RAP1GAP2: variants seen among roughly 807,000 people sequenced by gnomAD.
RAP1GAP2 encodes RAP1 GTPase activating protein 2.
RAP1GAP2 carries 27 observed loss-of-function variants against 95.0 expected under a neutral mutation model. The observed-to-expected ratio is 0.28, with a 90% CI of 0.21 to 0.39. RAP1GAP2 has a LOEUF of 0.39. RAP1GAP2 is among the 10% of genes least tolerant of loss of function. The probability of loss-of-function intolerance (pLI) is 1.00; values close to 1 mark genes in which losing one functional copy is unlikely to be tolerated. For synonymous variants in RAP1GAP2, 373 were observed against 380.9 expected (o/e 0.98, Z 0.24); for missense variants, 771 against 970.0 (o/e 0.79, Z 2.72).
intron 3 of RAP1GAP2, among the ~76,000 whole-genome samples, chr17:2,951,355 T>C (rs2043918445): frequency 6.6e-6 from 1 of 152,218 alleles, no homozygotes; most frequent in Admixed American, 6.5e-5. Flanking sequence ...ATCTTGTGTC[T>C]TGCAAAAAGC....
chr17:3,010,336 CAAAA>C (rs1179623628), intron 17 of RAP1GAP2, among the ~76,000 whole-genome samples: 11 of 70,268 alleles, frequency 1.6e-4, no homozygotes, highest in African/African-American at 4.9e-4. Context: ...GAGACTGTCT[CAAAA>C]AAAAAAAAAA....
intron 12 of RAP1GAP2, among the ~76,000 whole-genome samples, chr17:2,994,310 G>T (rs929854447): frequency 1.2e-4 from 18 of 152,144 alleles, no homozygotes; most frequent in Non-Finnish European, 2.2e-4. Flanking sequence ...GAGATTCTAG[G>T]TCCATCTTAT....
chr17:2,945,341 A>G (rs1036761124), intron 3 of RAP1GAP2, among the ~76,000 whole-genome samples: 6 of 151,984 alleles, frequency 3.9e-5, no homozygotes, highest in Non-Finnish European at 7.4e-5. Context: ...GTACTCTGCA[A>G]TTTTGCAGAC....
At chr17:2,858,574 G>C (rs529222547) in intron 2 of RAP1GAP2, among the ~76,000 whole-genome samples, 163 of 152,174 alleles carry the variant, frequency 1.1e-3, no homozygotes, top group African/African-American at 3.3e-3. Context: ...TCAGGTACTA[G>C]ATCATTTCAT....
chr17:2,785,395 A>G (rs1418196888), intron 1 of RAP1GAP2, among the ~76,000 whole-genome samples: 2 of 143,800 alleles, frequency 1.4e-5, no homozygotes, highest in East Asian at 4.9e-4. Flanking sequence ...AAAAAGCAAA[A>G]AGTTGGAAAA....
intron 2 of RAP1GAP2, among the ~76,000 whole-genome samples, chr17:2,813,609 G>T (rs975108704): frequency 6.6e-6 from 1 of 152,106 alleles, no homozygotes; most frequent in Admixed American, 6.6e-5. Flanking sequence ...AGGGTGTTGC[G>T]CAGCCTCTCT....
At chr17:2,954,564 C>G (rs1053791460) in intron 3 of RAP1GAP2, among the ~76,000 whole-genome samples, 4 of 149,914 alleles carry the variant, frequency 2.7e-5, no homozygotes, top group African/African-American at 9.9e-5. Flanking sequence ...GTTCACATAT[C>G]AGTACTTATT....
intron 8 of RAP1GAP2, among the ~76,000 whole-genome samples, chr17:2,974,212 A>G (rs1270960319): frequency 2.0e-5 from 3 of 149,162 alleles, no homozygotes; most frequent in Non-Finnish European, 4.5e-5. Flanking sequence ...AGCTGGGCGC[A>G]GTGGCAGGCG....
Position 2,871,634 on chromosome 17 carries a change from A to G in RAP1GAP2, c.81-33650A>G, listed in dbSNP as rs2072850461. ...TGCCAGCACGGCGTGTTGGGTGAGC[A>G]CGTGGACCCTCACCTTCATGCTGAT... On this transcript the variant is annotated intron_variant, in intron 2 of 24. Transcript: ENST00000254695. This position sits in a 1 kb window ranked among gnomAD's most constrained non-coding sequence, Gnocchi z 5.0. Among the ~76,000 whole-genome samples the G allele has an allele frequency of 6.6e-6, 1 of 152,140 alleles. No individual in the cohort carries two copies. The highest frequency in any genetic ancestry group is 6.5e-5 in the Admixed American group (1 of 15,272).
intron 1 of RAP1GAP2, among the ~76,000 whole-genome samples, chr17:2,779,821 T>C (rs1165436766): frequency 6.8e-6 from 1 of 147,906 alleles, no homozygotes; most frequent in South Asian, 2.2e-4. Context: ...GAAAGGAAGG[T>C]GAGCGGGTTG....
At position 3,037,308 on chromosome 17, in the gene RAP1GAP2, G is replaced by C. The variant is rs2151692210; in HGVS notation, c.*3947G>C. 1 of 139,926 alleles carries C rather than the reference G, an allele frequency of 7.1e-6. No individual in the cohort carries two copies. The highest frequency in any genetic ancestry group is 8.5e-5 in the Admixed American group (1 of 11,742). The allele number at this position is 139,926 out of a possible 1,614,324, so 8.7% of individuals were successfully genotyped here. A position where few individuals can be genotyped will look rare whatever the true frequency, so the allele number is the denominator to read the frequency against. On this transcript the variant is annotated 3_prime_UTR_variant, in exon 25 of 25. Transcript: ENST00000254695. ...AGGGGGGCATTTGGCTGGAAGACTG[G>C]AATTTAATTGCCATCGTCTTTGATT...
intron 2 of RAP1GAP2, among the ~76,000 whole-genome samples, chr17:2,828,141 G>A (rs1475353402): frequency 6.6e-6 from 1 of 152,244 alleles, no homozygotes; most frequent in Non-Finnish European, 1.5e-5. Flanking sequence ...AGGAGTTCGA[G>A]ACCAGCCTGG....
intron 2 of RAP1GAP2, among the ~76,000 whole-genome samples, chr17:2,854,878 T>TG (rs2072066775): frequency 6.6e-6 from 1 of 151,940 alleles, no homozygotes; most frequent in Non-Finnish European, 1.5e-5. Context: ...CCTCCAGCAA[T>TG]GGGGGGAGGG....
At chr17:2,775,904 C>G (rs1487182240), upstream of RAP1GAP2, among the ~76,000 whole-genome samples, 1 of 152,148 alleles carries the variant, frequency 6.6e-6, no homozygotes, top group Non-Finnish European at 1.5e-5. Context: ...CCAGGCCGAG[C>G]GCGGTGGCTC....
At chr17:2,806,397 A>ATTATTATTATTATTG (rs1555545390) in intron 2 of RAP1GAP2, among the ~76,000 whole-genome samples, 1 of 148,238 alleles carries the variant, frequency 6.7e-6, no homozygotes, top group African/African-American at 2.5e-5. Flanking sequence ...TATTATTATT[A>ATTATTATTATTATTG]TTATTATTAT....
At chr17:2,844,781 C>T (rs1245822543) in intron 2 of RAP1GAP2, among the ~76,000 whole-genome samples, 5 of 152,164 alleles carry the variant, frequency 3.3e-5, no homozygotes, top group South Asian at 2.1e-4. Flanking sequence ...TCTTTGATTA[C>T]ACCCACAAAG....
At chr17:2,950,783 G>A (rs2043896313) in intron 3 of RAP1GAP2, among the ~76,000 whole-genome samples, 1 of 151,682 alleles carries the variant, frequency 6.6e-6, no homozygotes, top group Non-Finnish European at 1.5e-5. Context: ...GCTAATTTTT[G>A]TATTTTTAGT....
At chr17:2,927,201 T>G (rs1479746056) in intron 3 of RAP1GAP2, among the ~76,000 whole-genome samples, 5 of 150,014 alleles carry the variant, frequency 3.3e-5, no homozygotes, top group East Asian at 2.1e-4. Context: ...TCACCCAGGC[T>G]GGAGTGCAGT....
chr17:2,989,864 A>G (rs1452437441), intron 11 of RAP1GAP2, among the ~76,000 whole-genome samples: 1 of 151,908 alleles, frequency 6.6e-6, no homozygotes, highest in East Asian at 1.9e-4. Flanking sequence ...CATCACCCCC[A>G]AAAGAAACCC....
Sources: allele counts gnomAD v4.1 joint callset (sites outside exome capture counted in the v4.1 genomes callset), GRCh38; gene constraint gnomAD v4.1.1; non-coding constraint Gnocchi (gnomAD v3.1); transcripts MANE v1.5; gene names NCBI Gene and HGNC (gene_info 2026-07-23, HGNC 2026-07-21).